C19orf44: variants seen among roughly 807,000 people sequenced by gnomAD.
C19orf44 encodes uncharacterized protein C19orf44.
C19orf44 carries 43 observed loss-of-function variants against 50.7 expected under a neutral mutation model. That is an observed-to-expected ratio of 0.85 (90% CI 0.66 to 1.09). The LOEUF is 1.09. Among genes scored for constraint, C19orf44 ranks in the 50% least tolerant of loss-of-function variants. The pLI, the probability that C19orf44 is intolerant of heterozygous loss-of-function variation, is 0.00. For missense variants in C19orf44, 722 were observed against 836.2 expected (o/e 0.86, Z 1.68); for synonymous variants, 298 against 334.7 (o/e 0.89, Z 1.20).
chr19:16,518,957 G>C, intron 8 of C19orf44: 1 of 595,474 alleles, frequency 1.7e-6, no homozygotes, highest in African/African-American at 1.9e-5. Context: ...GGTGTGGTTT[G>C]TGGGTGGCAC....
At position 16,521,148 on chromosome 19, in the gene C19orf44, T is replaced by C; in HGVS notation, c.*1095T>C. 1.7e-6 allele frequency: 1 copy of C among 592,584 alleles called. No individual in the cohort carries two copies. The highest frequency in any genetic ancestry group is 2.0e-5 in the South Asian group (1 of 50,534). The allele number at this position is 592,584 out of a possible 1,614,324, so 36.7% of individuals were successfully genotyped here. A position where few individuals can be genotyped will look rare whatever the true frequency, so the allele number is the denominator to read the frequency against. ...CCACCCTGCTGTTCCGCTGAGGTGGTGGGGACCCATGGTCTGTGGAACTGG... is the reference window on the plus strand; with the variant it reads ...CCACCCTGCTGTTCCGCTGAGGTGGCGGGGACCCATGGTCTGTGGAACTGG... On this transcript the variant is annotated 3_prime_UTR_variant, in exon 9 of 9. Coordinates refer to ENST00000221671, the MANE Select transcript of C19orf44 (RefSeq NM_032207.4).
In C19orf44 at chr19:16,520,947, A is replaced by C. The variant is rs901298668; in HGVS notation, c.*894A>C. 3 of 1,563,476 alleles carry C rather than the reference A, an allele frequency of 1.9e-6. No individual in the cohort carries two copies. Among genetic ancestry groups the C allele is most frequent in the Middle Eastern group, 1.7e-4 (1 of 5,970 alleles). On this transcript the variant is annotated 3_prime_UTR_variant, in exon 9 of 9. Coordinates refer to ENST00000221671, the MANE Select transcript of C19orf44 (RefSeq NM_032207.4). The surrounding 1 kb of genome is among the most constrained non-coding windows in gnomAD (Gnocchi z 4.0). ...ACGGCATTCCGTGTGTGACCACGTGACACCCACCCACAAGGAAGTCGTGAA... is the reference window on the plus strand; with the variant it reads ...ACGGCATTCCGTGTGTGACCACGTGCCACCCACCCACAAGGAAGTCGTGAA...
intron 4 of C19orf44, among the ~76,000 whole-genome samples, chr19:16,508,758 C>G (rs938375252): frequency 6.6e-6 from 1 of 151,992 alleles, no homozygotes; most frequent in Non-Finnish European, 1.5e-5. Context: ...CCAGGCAGGT[C>G]TTGAACTCCT....
chr19:16,501,439 A>G lies in C19orf44; in HGVS notation c.647A>G (p.Glu216Gly), dbSNP rs938368853. 4 of 1,613,666 alleles carry G rather than the reference A, an allele frequency of 2.5e-6. No homozygotes were observed. The highest frequency in any genetic ancestry group is 3.4e-6 in the Non-Finnish European group (4 of 1,179,884). The change falls in exon 2 of 9, where the codon GAA (glutamate) becomes GGA (glycine). Residue 216 changes from glutamate to glycine, a missense_variant. Physicochemically the swap from Glu to Gly is moderately conservative, Grantham distance 98. Coordinates refer to ENST00000221671, the MANE Select transcript of C19orf44 (RefSeq NM_032207.4). The part of the protein sequence containing the change: ...RTFDSPDSDE[E>G]EMKVLLGSLM... ...TTTGATTCTCCAGACAGTGACGAAG[A>G]AGAAATGAAAGTATTGCTAGGAAGC...
intron 4 of C19orf44, among the ~76,000 whole-genome samples, chr19:16,508,156 C>CT (rs200490734): frequency 0.034 from 5,151 of 150,778 alleles, 108 homozygotes; most frequent in Non-Finnish European, 0.05. Context: ...CAGGCTGGGA[C>CT]TACAGTGGCA....
rs1455888938 is a variant in C19orf44 at position 16,519,723 on chromosome 19, C to T, written c.*41-371C>T. 42 of 1,606,810 alleles carry T rather than the reference C, an allele frequency of 2.6e-5. No homozygotes were observed. Among genetic ancestry groups the T allele is most frequent in the Admixed American group, 3.3e-5 (2 of 59,966 alleles). On this transcript the variant is annotated intron_variant, in intron 8 of 8. Coordinates refer to ENST00000221671, the MANE Select transcript of C19orf44 (RefSeq NM_032207.4). This position sits in a 1 kb window ranked among gnomAD's most constrained non-coding sequence, Gnocchi z 6.0. The stretch of plus-strand genomic sequence containing the variant: ...CCCAGACCAGCAGAGGAACTAAAAT[C>T]GAGACAGGTTATTCTTTTTAAGAAG...
rs2085611029 is a variant in C19orf44 at position 16,521,148 on chromosome 19, T to G, written c.*1095T>G. On this transcript the variant is annotated 3_prime_UTR_variant, in exon 9 of 9. Coordinates refer to ENST00000221671, the MANE Select transcript of C19orf44 (RefSeq NM_032207.4). ...CCACCCTGCTGTTCCGCTGAGGTGGTGGGGACCCATGGTCTGTGGAACTGG... is the reference window on the plus strand; with the variant it reads ...CCACCCTGCTGTTCCGCTGAGGTGGGGGGGACCCATGGTCTGTGGAACTGG... 2 of 592,468 alleles carry G rather than the reference T, an allele frequency of 3.4e-6. No individual in the cohort carries two copies. The highest frequency in any genetic ancestry group is 1.9e-5 in the African/African-American group (1 of 53,670). The allele number at this position is 592,468 out of a possible 1,614,324, so 36.7% of individuals were successfully genotyped here.
At position 16,520,158 on chromosome 19, in the gene C19orf44, G is replaced by A. The variant is rs968217758; in HGVS notation, c.*105G>A. 1.2e-6 allele frequency: 2 copies of A among 1,612,178 alleles called. No individual in the cohort carries two copies. Among genetic ancestry groups the A allele is most frequent in the African/African-American group, 2.7e-5 (2 of 74,912 alleles). ...TAAGACAGGATCTTACGGCGGGGTG[G>A]GGCTCCTGGACCGTGACCGGCGTCT... On this transcript the variant is annotated 3_prime_UTR_variant, in exon 9 of 9. Transcript: ENST00000221671. The surrounding 1 kb of genome is among the most constrained non-coding windows in gnomAD (Gnocchi z 4.0).
intron 5 of C19orf44, among the ~76,000 whole-genome samples, chr19:16,510,596 G>A (rs913745032): frequency 1.3e-5 from 2 of 152,090 alleles, no homozygotes; most frequent in African/African-American, 4.8e-5. Context: ...ATTATTAGTT[G>A]TCACAACTCA....
chr19:16,511,873 G>T (rs2093458125), intron 5 of C19orf44, among the ~76,000 whole-genome samples: 1 of 152,164 alleles, frequency 6.6e-6, no homozygotes, highest in African/African-American at 2.4e-5. Context: ...AAATTAGCCT[G>T]GTGTGGTGGC....
chr19:16,509,722 C>A lies in C19orf44; in HGVS notation c.1373C>A (p.Ala458Asp). The A allele has an allele frequency of 1.2e-6, 2 of 1,614,232 alleles. No homozygotes were observed. The highest frequency in any genetic ancestry group is 1.3e-5 in the African/African-American group (1 of 75,070). The part of the protein sequence containing the change: ...STSSMQPPSE[A>D]PMVNTVSSAY... ...TCCAGCATGCAGCCACCATCTGAAGCCCCCATGGTGAACACAGTCAGCTCA... is the reference window on the plus strand; with the variant it reads ...TCCAGCATGCAGCCACCATCTGAAGACCCCATGGTGAACACAGTCAGCTCA... The change falls in exon 5 of 9, where the codon GCC becomes GAC. Residue 458 changes from alanine (A) to aspartate (D), a missense_variant. By Grantham distance (126) the Ala-to-Asp change is moderately radical. Transcript: ENST00000221671.
At chr19:16,508,980 C>A (rs543862585) in intron 4 of C19orf44, among the ~76,000 whole-genome samples, 5 of 152,252 alleles carry the variant, frequency 3.3e-5, no homozygotes, top group Non-Finnish European at 5.9e-5. Context: ...GCCACCATGT[C>A]TGGCTAATTT....
At chr19:16,503,952 T>C (rs2093432893) in intron 3 of C19orf44, among the ~76,000 whole-genome samples, 1 of 151,878 alleles carries the variant, frequency 6.6e-6, no homozygotes, top group African/African-American at 2.4e-5. Flanking sequence ...CCCAGTGCTT[T>C]GGAAAGCCTA....
chr19:16,515,973 T>C (rs907585474), intron 7 of C19orf44, among the ~76,000 whole-genome samples: 5 of 152,158 alleles, frequency 3.3e-5, no homozygotes, highest in African/African-American at 1.2e-4. Flanking sequence ...ATTTTTCATA[T>C]CTTTAGTAGA....
intron 1 of C19orf44, among the ~76,000 whole-genome samples, chr19:16,497,595 C>T (rs946173699): frequency 1.9e-4 from 28 of 149,018 alleles, no homozygotes; most frequent in Admixed American, 4.7e-4. Flanking sequence ...GTGATCCGCC[C>T]GCCTTAGCCT....
intron 7 of C19orf44, among the ~76,000 whole-genome samples, chr19:16,516,595 C>T (rs553494670): frequency 7.2e-5 from 11 of 152,298 alleles, no homozygotes; most frequent in South Asian, 4.1e-4. Flanking sequence ...GAGCAGCGAC[C>T]GGTTCTCAAT....
Position 16,496,466 on chromosome 19 carries a change from G to T in C19orf44, c.-2+1G>T. ...CTGCGAATGGACGGCGTGGGAAGAG[G>T]TCGGCAGGGCTGGTGGGGAGGTGAC... On this transcript the variant is annotated splice_donor_variant, in intron 1 of 8. Coordinates refer to ENST00000221671, the MANE Select transcript of C19orf44 (RefSeq NM_032207.4). LOFTEE classifies it low-confidence loss of function (5UTR_SPLICE). The T allele has an allele frequency of 2.9e-6, 1 of 347,958 alleles. No individual in the cohort carries two copies. 21.6% of individuals were successfully genotyped at this position (347,958 alleles called of 1,614,324 possible). A position where few individuals can be genotyped will look rare whatever the true frequency, so the allele number is the denominator to read the frequency against.
chr19:16,498,960 A>G (rs1307883720), intron 1 of C19orf44, among the ~76,000 whole-genome samples: 2 of 152,040 alleles, frequency 1.3e-5, no homozygotes, highest in South Asian at 2.1e-4. Context: ...GTGAGCCACC[A>G]CGCCTAGTCT....
Position 16,506,752 on chromosome 19 carries a change from A to G in C19orf44, c.1127A>G (p.Glu376Gly), listed in dbSNP as rs765438991. The change falls in exon 4 of 9, where the codon GAG (glutamate) becomes GGG (glycine). Residue 376 changes from glutamate (E) to glycine (G), a missense_variant. Coordinates refer to ENST00000221671, the MANE Select transcript of C19orf44 (RefSeq NM_032207.4). ...SLDGLAPAVS[E>G]NSDLEQEEES... ...GACGGTCTGGCTCCAGCTGTCAGTG[A>G]GAACTCCGATTTGGAACAGGAAGTA... 7.5e-6 allele frequency: 12 copies of G among 1,605,992 alleles called. No homozygotes were observed. Among genetic ancestry groups the G allele is most frequent in the Middle Eastern group, 1.7e-4 (1 of 6,030 alleles).
Sources: allele counts gnomAD v4.1 joint callset (sites outside exome capture counted in the v4.1 genomes callset), GRCh38; gene constraint gnomAD v4.1.1; non-coding constraint Gnocchi (gnomAD v3.1); transcripts MANE v1.5; gene names NCBI Gene and HGNC (gene_info 2026-07-23, HGNC 2026-07-21).